Variants in IQUB observed in about 807,000 individuals in gnomAD.
The protein encoded by IQUB is IQ motif and ubiquitin domain containing.
Under a neutral mutation model 86.4 loss-of-function variants are expected in IQUB, and 86 were observed. The observed-to-expected ratio is 1.00, with a 90% CI of 0.84 to 1.19. The LOEUF is 1.19. Among genes scored for constraint, IQUB ranks in the 50% most tolerant of loss-of-function variants. The pLI, the probability that IQUB is intolerant of heterozygous loss-of-function variation, is 0.00. For missense variants in IQUB, 946 were observed against 916.9 expected (o/e 1.03, Z -0.41); for synonymous variants, 289 against 304.5 (o/e 0.95, Z 0.53).
chr7:123,482,146 A>G (rs564112397), intron 7 of IQUB, among the ~76,000 whole-genome samples: 10 of 152,094 alleles, frequency 6.6e-5, no homozygotes, highest in Non-Finnish European at 1.5e-4. Context: ...GACTGTCATG[A>G]ATGTTTATAC....
chr7:123,510,411 TAACTAC>T (rs1002411404), intron 2 of IQUB, among the ~76,000 whole-genome samples: 2 of 152,196 alleles, frequency 1.3e-5, no homozygotes, highest in African/African-American at 4.8e-5. Context: ...AAATGCACTA[TAACTAC>T]TTTTCACAAA....
At position 123,469,263 on chromosome 7, in the gene IQUB, G is replaced by A. The variant is rs1274491594; in HGVS notation, c.1532C>T (p.Ser511Phe). 2.5e-6 allele frequency: 4 copies of A among 1,606,244 alleles called. No individual in the cohort carries two copies. The highest frequency in any genetic ancestry group is 3.4e-5 in the Admixed American group (2 of 58,652). Residue 511 changes from serine to phenylalanine, a missense_variant, in exon 9 of 13, where the codon TCC becomes TTC. Transcript: ENST00000324698. The part of the protein sequence containing the change: ...IYKCIMLKNI[S>F]QDERLDVLLT... ...CAGCACATCCAGCCTCTCATCTTGG[G>A]AGATATTTTTCAGCATAATGCACTT...
Position 123,503,238 on chromosome 7 carries a change from C to T in IQUB, c.658G>A (p.Asp220Asn). 1 of 1,612,226 alleles carries T rather than the reference C, an allele frequency of 6.2e-7. No individual in the cohort carries two copies. The highest frequency in any genetic ancestry group is 8.5e-7 in the Non-Finnish European group (1 of 1,179,078). The change falls in exon 4 of 13, where the codon GAT (aspartate) becomes AAT (asparagine). Residue 220 changes from aspartate (D) to asparagine (N), a missense_variant. Physicochemically the swap from Asp to Asn is conservative, Grantham distance 23. Transcript: ENST00000324698. Reference protein sequence around the residue: ...YPVRRIDGLTDVSQIITVTVQ... With the variant: ...YPVRRIDGLTNVSQIITVTVQ... ...GTGACAGTTATGATTTGAGAGACATCAGTTAATCCATCTATTCTTCTGACT... is the reference window on the plus strand; with the variant it reads ...GTGACAGTTATGATTTGAGAGACATTAGTTAATCCATCTATTCTTCTGACT...
intron 1 of IQUB, among the ~76,000 whole-genome samples, chr7:123,521,196 A>G (rs1796885322): frequency 6.6e-6 from 1 of 152,162 alleles, no homozygotes. Flanking sequence ...TTTCATAGGT[A>G]CTGGATAAAT....
chr7:123,509,805 G>C, intron 3 of IQUB, 96 bp downstream of exon 3: 2 of 1,037,048 alleles, frequency 1.9e-6, no homozygotes, highest in South Asian at 1.4e-5. Flanking sequence ...TGTTCAATTA[G>C]TACCAAGATA....
intron 7 of IQUB, among the ~76,000 whole-genome samples, chr7:123,485,674 C>A (rs1380290935): frequency 1.3e-5 from 2 of 152,098 alleles, no homozygotes; most frequent in African/African-American, 2.4e-5. Context: ...TTTCTGAAAC[C>A]TGACCTTGTA....
chr7:123,489,690 T>C (rs1350756411), intron 7 of IQUB, among the ~76,000 whole-genome samples: 1 of 151,348 alleles, frequency 6.6e-6, no homozygotes, highest in African/African-American at 2.4e-5. Flanking sequence ...AAGATACATA[T>C]GAAGAAACTG....
chr7:123,460,086 T>C (rs1158770956), intron 11 of IQUB, among the ~76,000 whole-genome samples: 4 of 151,974 alleles, frequency 2.6e-5, no homozygotes, highest in Non-Finnish European at 5.9e-5. Flanking sequence ...TGTGTTTACA[T>C]GTACGGATGC....
intron 7 of IQUB, among the ~76,000 whole-genome samples, chr7:123,483,964 GAAGATAAATA>G (rs1795111255): frequency 6.6e-6 from 1 of 152,022 alleles, no homozygotes; most frequent in African/African-American, 2.4e-5. Flanking sequence ...CTATGCATTA[GAAGATAAATA>G]TCTGAGGCCA....
intron 8 of IQUB, among the ~76,000 whole-genome samples, chr7:123,475,620 AC>A: frequency 6.6e-6 from 1 of 152,216 alleles, no homozygotes; most frequent in East Asian, 1.9e-4. Flanking sequence ...GTAAGTATAT[AC>A]AACAATAGAA....
chr7:123,476,363 A>T (rs980446402), intron 8 of IQUB, among the ~76,000 whole-genome samples: 1 of 152,170 alleles, frequency 6.6e-6, no homozygotes, highest in African/African-American at 2.4e-5. Context: ...TTCCATGTAA[A>T]GGCACCCAAT....
chr7:123,506,477 T>C (rs1796181271), intron 3 of IQUB, among the ~76,000 whole-genome samples: 1 of 152,130 alleles, frequency 6.6e-6, no homozygotes, highest in African/African-American at 2.4e-5. Flanking sequence ...ACAGGAAGCA[T>C]GGTTGGGGAG....
chr7:123,487,939 T>C (rs907452866), intron 7 of IQUB, among the ~76,000 whole-genome samples: 1 of 152,058 alleles, frequency 6.6e-6, no homozygotes, highest in East Asian at 1.9e-4. Context: ...TTGAAATAAG[T>C]TAAAACCAAT....
chr7:123,453,402 C>T (rs1793538854), intron 12 of IQUB, among the ~76,000 whole-genome samples: 1 of 147,794 alleles, frequency 6.8e-6, no homozygotes, highest in South Asian at 2.1e-4. Flanking sequence ...TAAATATCTT[C>T]CAAGATTATT....
chr7:123,459,991 G>A (rs1251723552), intron 11 of IQUB: 1 of 151,932 alleles, frequency 6.6e-6, no homozygotes, highest in Non-Finnish European at 1.5e-5. Context: ...AGTAGACTGA[G>A]ATTGAATAGA....
At position 123,460,972 on chromosome 7, in the gene IQUB, G is replaced by GTT. The variant is rs80160200; in HGVS notation, c.2007+383_2007+384dup. On this transcript the variant is annotated intron_variant, in intron 11 of 12. Transcript: ENST00000324698. ...ACAAGTATCAAAGCCTTTCCCTAAG[G>GTT]TTTTTTTTTTTTTTTACTTTCTATA... Among the ~76,000 whole-genome samples the GTT allele has an allele frequency of 5.4e-4, 74 of 136,510 alleles. 1 individual carries two copies. Among genetic ancestry groups the GTT allele is most frequent in the African/African-American group, 1.5e-3 (57 of 37,366 alleles). The allele number at this position is 136,510 out of a possible 152,430, so 89.6% of individuals were successfully genotyped here.
chr7:123,498,528 T>C (rs1795805418), intron 6 of IQUB, among the ~76,000 whole-genome samples: 1 of 152,226 alleles, frequency 6.6e-6, no homozygotes, highest in African/African-American at 2.4e-5. Context: ...CTGAGTGCTA[T>C]TAAACTTGTT....
At chr7:123,528,359 A>G (rs1219009682) in intron 1 of IQUB, among the ~76,000 whole-genome samples, 1 of 152,244 alleles carries the variant, frequency 6.6e-6, no homozygotes, top group Non-Finnish European at 1.5e-5. Context: ...ATACTTTTAA[A>G]ATAAAGCATA....
intron 8 of IQUB, among the ~76,000 whole-genome samples, chr7:123,478,033 G>A (rs1022207145): frequency 5.9e-5 from 9 of 152,134 alleles, no homozygotes; most frequent in African/African-American, 1.2e-4. Flanking sequence ...ACAGTGTGGC[G>A]ACTCCTCAAG....
Sources: gnomAD v4.1 joint callset for allele counts (sites outside exome capture counted in the v4.1 genomes callset) on GRCh38, gnomAD v4.1.1 for gene constraint, MANE v1.5 for transcripts, NCBI Gene and HGNC (gene_info 2026-07-23, HGNC 2026-07-21) for gene names.